Variants in RARB observed in about 807,000 individuals in gnomAD.
RARB encodes the protein retinoic acid receptor beta, also known as HBV-activated protein.
Under a neutral mutation model 51.9 loss-of-function variants are expected in RARB, and 17 were observed. The observed-to-expected ratio is 0.33, with a 90% confidence interval of 0.22 to 0.49. RARB has a LOEUF of 0.49. RARB is among the 20% of genes least tolerant of loss of function. RARB has a pLI of 0.99. For synonymous variants in RARB, 215 were observed against 195.4 expected (o/e 1.10, Z -0.84); for missense variants, 369 against 550.8 (o/e 0.67, Z 3.30).
At chr3:24,914,541 C>T (rs1695066757) in intron 2 of RARB, among the ~76,000 whole-genome samples, 1 of 152,188 alleles carries the variant, frequency 6.6e-6, no homozygotes, top group Non-Finnish European at 1.5e-5. Context: ...TGGTTCCCCT[C>T]TCAGGTACCA....
chr3:25,459,951 G>A (rs967034792), intron 1 of RARB, among the ~76,000 whole-genome samples: 26 of 152,158 alleles, frequency 1.7e-4, no homozygotes, highest in Admixed American at 9.8e-4. Flanking sequence ...CTTTGATTCT[G>A]AGTACAATCC....
intron 2 of RARB, among the ~76,000 whole-genome samples, chr3:24,960,071 G>T (rs947338469): frequency 2.6e-5 from 4 of 152,140 alleles, no homozygotes; most frequent in African/African-American, 9.7e-5. Flanking sequence ...GGAAAAGATG[G>T]AACTGAACAT....
intron 2 of RARB, among the ~76,000 whole-genome samples, chr3:24,957,050 C>T (rs1696032403): frequency 1.3e-5 from 2 of 152,150 alleles, no homozygotes; most frequent in African/African-American, 4.8e-5. Flanking sequence ...ATGCTGGCTG[C>T]CCCTGGAGAG....
At chr3:25,246,718 A>G (rs561591554) in intron 5 of RARB, among the ~76,000 whole-genome samples, 1 of 152,086 alleles carries the variant, frequency 6.6e-6, no homozygotes, top group Non-Finnish European at 1.5e-5. Context: ...GGTGCCTGCC[A>G]GATGCCCACT....
chr3:25,367,818 A>AT (rs1706171910), intron 5 of RARB, among the ~76,000 whole-genome samples: 1 of 53,226 alleles, frequency 1.9e-5, no homozygotes, highest in Non-Finnish European at 4.2e-5. Flanking sequence ...AAAAACAAGC[A>AT]AAAAAAAAAC....
At chr3:25,324,570 G>A (rs960618145) in intron 5 of RARB, 1 of 165,120 alleles carries the variant, frequency 6.1e-6, no homozygotes. Context: ...TGAATTACAA[G>A]CAAACTGCTA....
intron 2 of RARB, among the ~76,000 whole-genome samples, chr3:24,878,293 C>T (rs528530789): frequency 1.1e-4 from 16 of 151,616 alleles, no homozygotes; most frequent in Non-Finnish European, 2.4e-4. Flanking sequence ...GTGTGTCCCA[C>T]ATATAGCACG....
chr3:25,052,010 T>C (rs557061521), intron 2 of RARB, among the ~76,000 whole-genome samples: 1 of 152,304 alleles, frequency 6.6e-6, no homozygotes, highest in Admixed American at 6.5e-5. Flanking sequence ...GTTTTGTTGA[T>C]TGTGGATACT....
At chr3:25,169,206 T>C (rs985031988) in intron 4 of RARB, among the ~76,000 whole-genome samples, 2 of 152,054 alleles carry the variant, frequency 1.3e-5, no homozygotes, top group African/African-American at 4.8e-5. Context: ...GGAAAAAAGC[T>C]ACCCAACTGA....
chr3:24,902,843 T>A (rs1703636743), intron 2 of RARB, among the ~76,000 whole-genome samples: 1 of 152,204 alleles, frequency 6.6e-6, no homozygotes, highest in South Asian at 2.1e-4. Flanking sequence ...TATTTTACAT[T>A]AATTATATAT....
intron 4 of RARB, among the ~76,000 whole-genome samples, chr3:25,163,504 A>AAAATATATATAT (rs1303712411): frequency 2.3e-5 from 3 of 131,090 alleles, no homozygotes; most frequent in African/African-American, 9.6e-5. Context: ...CCTATCTCAA[A>AAAATATATATAT]ATATATATAT....
intron 5 of RARB, among the ~76,000 whole-genome samples, chr3:25,194,549 G>A (rs995009375): frequency 6.7e-6 from 1 of 149,984 alleles, no homozygotes; most frequent in African/African-American, 2.4e-5. Context: ...TATATATCAT[G>A]TTGTACACCT....
chr3:24,866,838 A>G (rs925809182), intron 2 of RARB, among the ~76,000 whole-genome samples: 3 of 152,126 alleles, frequency 2.0e-5, no homozygotes, highest in African/African-American at 7.2e-5. Flanking sequence ...TATTCAAATC[A>G]GCCTCCCCAA....
At chr3:24,981,284 G>C (rs1696665479) in intron 2 of RARB, among the ~76,000 whole-genome samples, 1 of 152,186 alleles carries the variant, frequency 6.6e-6, no homozygotes, top group African/African-American at 2.4e-5. Flanking sequence ...CATGTTGGGA[G>C]AACCACTGCT....
chr3:25,499,876 G>A (rs896852199), intron 2 of RARB, among the ~76,000 whole-genome samples: 1 of 152,122 alleles, frequency 6.6e-6, no homozygotes, highest in Non-Finnish European at 1.5e-5. Context: ...TAATATTTGG[G>A]GTTATTGTTC....
intron 1 of RARB, among the ~76,000 whole-genome samples, chr3:24,844,053 A>G (rs547395963): frequency 1.3e-5 from 2 of 152,284 alleles, no homozygotes; most frequent in East Asian, 3.9e-4. Flanking sequence ...TATTGAGTGA[A>G]ATAAAACAGC....
chr3:25,247,409 G>A (rs1395871266), intron 5 of RARB, among the ~76,000 whole-genome samples: 2 of 152,240 alleles, frequency 1.3e-5, no homozygotes. Context: ...CTGTCCAAAC[G>A]GCCACCCAGT....
intron 4 of RARB, among the ~76,000 whole-genome samples, chr3:25,166,920 C>G (rs1700570055): frequency 6.6e-6 from 1 of 152,178 alleles, no homozygotes; most frequent in African/African-American, 2.4e-5. Flanking sequence ...CAAATCCCAT[C>G]TATATTTTAT....
intron 4 of RARB, among the ~76,000 whole-genome samples, chr3:25,155,781 A>G (rs1700363958): frequency 6.6e-6 from 1 of 152,184 alleles, no homozygotes; most frequent in Non-Finnish European, 1.5e-5. Flanking sequence ...TGTGTGCCAG[A>G]TGTGCTCTGC....
Sources: gnomAD v4.1 joint callset for allele counts (sites outside exome capture counted in the v4.1 genomes callset) on GRCh38, gnomAD v4.1.1 for gene constraint, MANE v1.5 for transcripts, NCBI Gene and HGNC (gene_info 2026-07-23, HGNC 2026-07-21) for gene names.